The following CEP112 variants were observed in gnomAD, a reference collection of about 807,000 sequenced individuals.
CEP112 encodes the protein centrosomal protein 112, also known as centrosomal protein of 112 kDa.
CEP112 carries 127 observed loss-of-function variants against 153.0 expected under a neutral mutation model. That is an observed-to-expected ratio of 0.83 (90% confidence interval 0.72 to 0.96). The LOEUF (loss-of-function observed/expected upper bound fraction) is 0.96. Among genes scored for constraint, CEP112 ranks in the 40% least tolerant of loss-of-function variants. CEP112 has a pLI of 0.00. For synonymous variants in CEP112, 358 were observed against 374.4 expected, an observed-to-expected ratio of 0.96 and a Z score of 0.51; for missense variants, 1,089 against 1,101.2, an observed-to-expected ratio of 0.99 and a Z score of 0.16.
intron 4 of CEP112, among the ~76,000 whole-genome samples, chr17:66,150,846 T>C (rs2071178574): frequency 6.6e-6 from 1 of 152,240 alleles, no homozygotes; most frequent in Non-Finnish European, 1.5e-5. Context: ...TATTAGTTTT[T>C]GCTTCATGTA....
intron 21 of CEP112, among the ~76,000 whole-genome samples, chr17:65,776,899 A>G (rs1013267698): frequency 6.6e-6 from 1 of 152,218 alleles, no homozygotes; most frequent in Non-Finnish European, 1.5e-5. Flanking sequence ...AATTAATACA[A>G]TCTTTGCCAA....
At chr17:65,830,897 A>G (rs1266253197) in intron 21 of CEP112, among the ~76,000 whole-genome samples, 1 of 152,174 alleles carries the variant, frequency 6.6e-6, no homozygotes, top group Non-Finnish European at 1.5e-5. Context: ...GTTTCAGAGA[A>G]GCATTTAAGT....
intron 21 of CEP112, among the ~76,000 whole-genome samples, chr17:65,821,524 A>ATATATAAT (rs1314416507): frequency 4.5e-5 from 1 of 22,094 alleles, no homozygotes; most frequent in African/African-American, 1.7e-4. Context: ...TTATATATAT[A>ATATATAAT]TATATATATA....
intron 21 of CEP112, among the ~76,000 whole-genome samples, chr17:65,759,445 A>G (rs1413096767): frequency 1.3e-5 from 2 of 152,140 alleles, no homozygotes; most frequent in African/African-American, 2.4e-5. Flanking sequence ...CAGCCTGGTA[A>G]AACTCCGCAC....
chr17:65,704,705 TCCTCA>T (rs2048829341), intron 23 of CEP112, among the ~76,000 whole-genome samples: 1 of 152,162 alleles, frequency 6.6e-6, no homozygotes, highest in Non-Finnish European at 1.5e-5. Context: ...GAGGTGGAGA[TCCTCA>T]GGTGAGCCTG....
intron 6 of CEP112, among the ~76,000 whole-genome samples, chr17:66,097,284 G>A (rs2068387408): frequency 6.6e-6 from 1 of 152,028 alleles, no homozygotes; most frequent in Admixed American, 6.6e-5. Flanking sequence ...TTCTACACAT[G>A]GTTAACTTAC....
intron 23 of CEP112, among the ~76,000 whole-genome samples, chr17:65,693,316 C>T (rs2048205784): frequency 6.6e-6 from 1 of 152,156 alleles, no homozygotes; most frequent in South Asian, 2.1e-4. Flanking sequence ...TCACACCAGT[C>T]ACTTGTCATC....
At position 65,859,828 on chromosome 17, in the gene CEP112, G is replaced by A. The variant is rs1413078495; in HGVS notation, c.2164-7794C>T. ...TTGAGACTAGCCTGGTCAACATAGC[G>A]AAACCCTGTCTCTACTAAAAATACA... On this transcript the variant is annotated intron_variant, in intron 20 of 26. Transcript: ENST00000535342. Among the ~76,000 whole-genome samples, 12 of 139,730 alleles carry A rather than the reference G, an allele frequency of 8.6e-5. No homozygotes were observed. In the South Asian group the frequency reaches 1.1e-3, roughly 13 times the overall value. 91.7% of individuals were successfully genotyped at this position (139,730 alleles called of 152,430 possible).
chr17:66,030,111 T>C (rs2065400638), intron 12 of CEP112, 88 bp from the exon 13 acceptor site: 1 of 1,046,340 alleles, frequency 9.6e-7, no homozygotes, highest in Admixed American at 2.6e-5. Flanking sequence ...ACGTATAATC[T>C]ATAAGAATAA....
At chr17:65,746,270 T>C (rs1455655631) in intron 22 of CEP112, among the ~76,000 whole-genome samples, 1 of 152,018 alleles carries the variant, frequency 6.6e-6, no homozygotes, top group Non-Finnish European at 1.5e-5. Context: ...TGCTTGCTTT[T>C]GTGTGGAAAA....
At chr17:65,980,073 G>A (rs1005896715) in intron 17 of CEP112, among the ~76,000 whole-genome samples, 1 of 152,062 alleles carries the variant, frequency 6.6e-6, no homozygotes, top group African/African-American at 2.4e-5. Flanking sequence ...GACATCAAAA[G>A]GCCATTAGGT....
intron 24 of CEP112, among the ~76,000 whole-genome samples, chr17:65,681,704 C>T (rs1245423794): frequency 1.4e-5 from 2 of 141,170 alleles, no homozygotes; most frequent in African/African-American, 5.5e-5. Flanking sequence ...GACAGGATCT[C>T]TCTCTGTAGC....
intron 25 of CEP112, among the ~76,000 whole-genome samples, chr17:65,640,596 G>A (rs950942155): frequency 9.2e-5 from 14 of 152,124 alleles, no homozygotes; most frequent in African/African-American, 3.4e-4. Context: ...TAACATAACT[G>A]TGCTTTCAAT....
intron 24 of CEP112, among the ~76,000 whole-genome samples, chr17:65,659,607 T>A (rs1468361504): frequency 6.6e-6 from 1 of 152,208 alleles, no homozygotes; most frequent in Non-Finnish European, 1.5e-5. Context: ...GCAGAACATT[T>A]CTTAACACCA....
At chr17:65,712,878 C>A (rs754198817) in intron 23 of CEP112, among the ~76,000 whole-genome samples, 1 of 152,256 alleles carries the variant, frequency 6.6e-6, no homozygotes, top group African/African-American at 2.4e-5. Context: ...ATCGGCAGTG[C>A]AGAACTATAA....
At chr17:66,121,439 T>A (rs1020087622) in intron 6 of CEP112, among the ~76,000 whole-genome samples, 1 of 152,224 alleles carries the variant, frequency 6.6e-6, no homozygotes, top group Non-Finnish European at 1.5e-5. Context: ...TTCAAACGTA[T>A]TTTCTGCTCC....
At chr17:66,027,002 T>A (rs529711055) in intron 16 of CEP112, among the ~76,000 whole-genome samples, 2 of 152,326 alleles carry the variant, frequency 1.3e-5, no homozygotes, top group African/African-American at 4.8e-5. Context: ...AACTAATAAT[T>A]GAACTGAAGC....
At chr17:65,994,902 C>T (rs1393306548) in intron 17 of CEP112, among the ~76,000 whole-genome samples, 1 of 152,282 alleles carries the variant, frequency 6.6e-6, no homozygotes, top group African/African-American at 2.4e-5. Context: ...TGCCATTGGC[C>T]TAATCACAAG....
chr17:65,908,324 G>T (rs1011743975), intron 19 of CEP112, among the ~76,000 whole-genome samples: 7 of 152,150 alleles, frequency 4.6e-5, no homozygotes, highest in African/African-American at 1.7e-4. Flanking sequence ...TAGGGTTGAC[G>T]GCTTGGTGGT....
Sources: gnomAD v4.1 joint callset for allele counts (sites outside exome capture counted in the v4.1 genomes callset) on GRCh38, gnomAD v4.1.1 for gene constraint, MANE v1.5 for transcripts, NCBI Gene and HGNC (gene_info 2026-07-23, HGNC 2026-07-21) for gene names.